TMEM204: variants seen among roughly 807,000 people sequenced by gnomAD.
TMEM204 encodes the protein transmembrane protein 204.
TMEM204 carries 15 observed loss-of-function variants against 19.4 expected under a neutral mutation model. The ratio of observed to expected loss-of-function variants is 0.77; its 90% CI spans 0.52 to 1.19. TMEM204 has a LOEUF of 1.19. TMEM204 is among the 50% of genes most tolerant of loss of function. The probability of loss-of-function intolerance (pLI) is 0.00; values close to 1 mark genes in which losing one functional copy is unlikely to be tolerated. For missense variants in TMEM204, 287 were observed against 321.2 expected (o/e 0.89, Z 0.81); for synonymous variants, 161 against 146.0 (o/e 1.10, Z -0.74).
At position 1,551,517 on chromosome 16, in the gene TMEM204, G is replaced by A. The variant is rs1372885019; in HGVS notation, c.437-3265G>A. On this transcript the variant is annotated intron_variant, in intron 2 of 2. Coordinates refer to ENST00000566264, the MANE Select transcript of TMEM204 (RefSeq NM_024600.6). The surrounding 1 kb of genome is among the most constrained non-coding windows in gnomAD (Gnocchi z 4.0). ...GATGGGAGCCACAAGGGTGCTGAGT[G>A]CTGGGGAGACAGGATGTGAGTTTCA... 6.6e-6 allele frequency among the ~76,000 whole-genome samples: 1 copy of A among 152,222 alleles called. No individual in the cohort carries two copies. Among genetic ancestry groups the A allele is most frequent in the Non-Finnish European group, 1.5e-5 (1 of 68,028 alleles).
chr16:1,553,868 G>C lies in TMEM204; in HGVS notation c.437-914G>C, dbSNP rs2032877920. On this transcript the variant is annotated intron_variant, in intron 2 of 2. Transcript: ENST00000566264. The surrounding 1 kb of genome is among the most constrained non-coding windows in gnomAD (Gnocchi z 4.4). ...CAGTGTCCTGTTATCCTAGTTGGTA[G>C]ACTCTAGTCACGAAACCCTGATTTT... 2 of 1,245,446 alleles carry C rather than the reference G, an allele frequency of 1.6e-6. No homozygotes were observed. Among genetic ancestry groups the C allele is most frequent in the Admixed American group, 2.6e-5 (1 of 38,768 alleles). The allele number at this position is 1,245,446 out of a possible 1,614,324, so 77.1% of individuals were successfully genotyped here.
intron 2 of TMEM204, among the ~76,000 whole-genome samples, chr16:1,542,684 G>A (rs371435304): frequency 1.1e-4 from 17 of 152,386 alleles, no homozygotes; most frequent in African/African-American, 2.6e-4. Context: ...TGCCTGAGCC[G>A]ACAGTGAGGT....
chr16:1,555,095 C>T lies in TMEM204; in HGVS notation c.*69C>T. ...GAACAGCCTAGAAACCAAGGGACTC[C>T]ACCACCAAGTCACTTCCCCTGCTCG... On this transcript the variant is annotated 3_prime_UTR_variant, in exon 3 of 3. Transcript: ENST00000566264. 6.5e-7 allele frequency: 1 copy of T among 1,533,436 alleles called. No individual in the cohort carries two copies. Among genetic ancestry groups the T allele is most frequent in the South Asian group, 1.2e-5 (1 of 80,822 alleles). The allele number at this position is 1,533,436 out of a possible 1,614,324, so 95.0% of individuals were successfully genotyped here.
chr16:1,554,325 G>C (rs777013575), intron 2 of TMEM204, among the ~76,000 whole-genome samples: 1 of 152,218 alleles, frequency 6.6e-6, no homozygotes, highest in Admixed American at 6.5e-5. Flanking sequence ...TCTTTTCTTT[G>C]AATGAATTAA....
Position 1,553,041 on chromosome 16 carries a change from A to C in TMEM204, c.437-1741A>C. 1.0e-6 allele frequency: 1 copy of C among 985,440 alleles called. No homozygotes were observed. The highest frequency in any genetic ancestry group is 1.2e-6 in the Non-Finnish European group (1 of 829,928). The allele number at this position is 985,440 out of a possible 1,614,324, so 61.0% of individuals were successfully genotyped here. A position where few individuals can be genotyped will look rare whatever the true frequency, so the allele number is the denominator to read the frequency against. On this transcript the variant is annotated intron_variant, in intron 2 of 2. Transcript: ENST00000566264. This position sits in a 1 kb window ranked among gnomAD's most constrained non-coding sequence, Gnocchi z 4.4. ...AAGTATTATAAAGAATGAACACAGA[A>C]ACCAGTCACTGTCATTGTTCAGGAC...
At chr16:1,530,043 G>C (rs547445831), upstream of TMEM204, among the ~76,000 whole-genome samples, 3 of 152,036 alleles carry the variant, frequency 2.0e-5, no homozygotes, top group Admixed American at 2.0e-4. Flanking sequence ...GCCTCAGTGC[G>C]TGAGGCGTGA....
In TMEM204 at chr16:1,551,345, C is replaced by T. The variant is rs2032620375; in HGVS notation, c.437-3437C>T. On this transcript the variant is annotated intron_variant, in intron 2 of 2. Coordinates refer to ENST00000566264, the MANE Select transcript of TMEM204 (RefSeq NM_024600.6). The surrounding 1 kb of genome is among the most constrained non-coding windows in gnomAD (Gnocchi z 4.0). ...GAAGGATCAGCAGCAGGAGGGGCCC[C>T]TCCTCCCCAGGGCCAGTCAAGCCGG... Among the ~76,000 whole-genome samples the T allele has an allele frequency of 6.6e-6, 1 of 152,062 alleles. No homozygotes were observed. The highest frequency in any genetic ancestry group is 1.5e-5 in the Non-Finnish European group (1 of 68,010).
In TMEM204 at chr16:1,553,866, T is replaced by C; in HGVS notation, c.437-916T>C. 2 of 1,244,050 alleles carry C rather than the reference T, an allele frequency of 1.6e-6. No individual in the cohort carries two copies. Among genetic ancestry groups the C allele is most frequent in the Non-Finnish European group, 2.1e-6 (2 of 966,120 alleles). 77.1% of individuals were successfully genotyped at this position (1,244,050 alleles called of 1,614,324 possible). A position where few individuals can be genotyped will look rare whatever the true frequency, so the allele number is the denominator to read the frequency against. ...CACAGTGTCCTGTTATCCTAGTTGG[T>C]AGACTCTAGTCACGAAACCCTGATT... On this transcript the variant is annotated intron_variant, in intron 2 of 2. Transcript: ENST00000566264. The surrounding 1 kb of genome is among the most constrained non-coding windows in gnomAD (Gnocchi z 4.4).
chr16:1,553,411 G>C lies in TMEM204; in HGVS notation c.437-1371G>C, dbSNP rs921975344. ...ATTTGGTTTCCTGGGGAATGCAGGG[G>C]AGGCGGTTGGGAGTGGAGAGACCGG... On this transcript the variant is annotated intron_variant, in intron 2 of 2. Coordinates refer to ENST00000566264, the MANE Select transcript of TMEM204 (RefSeq NM_024600.6). The surrounding 1 kb of genome is among the most constrained non-coding windows in gnomAD (Gnocchi z 4.4). 4.1e-6 allele frequency: 4 copies of C among 985,416 alleles called. No homozygotes were observed. Among genetic ancestry groups the C allele is most frequent in the Non-Finnish European group, 4.8e-6 (4 of 829,938 alleles). 61.0% of individuals were successfully genotyped at this position (985,416 alleles called of 1,614,324 possible). A position where few individuals can be genotyped will look rare whatever the true frequency, so the allele number is the denominator to read the frequency against.
intron 2 of TMEM204, among the ~76,000 whole-genome samples, chr16:1,547,138 C>T (rs2032243410): frequency 6.6e-6 from 1 of 152,230 alleles, no homozygotes; most frequent in African/African-American, 2.4e-5. Context: ...TTCCCACTCC[C>T]CATTACCTTG....
intron 1 of TMEM204, among the ~76,000 whole-genome samples, chr16:1,539,105 G>A (rs923389199): frequency 4.0e-5 from 6 of 149,436 alleles, no homozygotes; most frequent in African/African-American, 1.5e-4. Context: ...CCCCACCTCA[G>A]GCCTCAGCAA....
intron 2 of TMEM204, among the ~76,000 whole-genome samples, chr16:1,546,916 AG>A (rs2032222097): frequency 6.6e-6 from 1 of 152,204 alleles, no homozygotes; most frequent in Admixed American, 6.5e-5. Context: ...TAGCATGAGG[AG>A]GTCGTGGCCA....
rs934068761 is a variant in TMEM204, at chr16:1,551,302, A to G, written c.437-3480A>G. ...ACGGCTGGCAGGGGTGGGCAGGTGCAACTCTAAGCCGAGGCCCGAAGGATC... is the reference window on the plus strand; with the variant it reads ...ACGGCTGGCAGGGGTGGGCAGGTGCGACTCTAAGCCGAGGCCCGAAGGATC... On this transcript the variant is annotated intron_variant, in intron 2 of 2. Transcript: ENST00000566264. The surrounding 1 kb of genome is among the most constrained non-coding windows in gnomAD (Gnocchi z 4.0). Among the ~76,000 whole-genome samples, 1 of 152,088 alleles carries G rather than the reference A, an allele frequency of 6.6e-6. No homozygotes were observed. The highest frequency in any genetic ancestry group is 6.5e-5 in the Admixed American group (1 of 15,280).
At chr16:1,541,299 C>A in intron 1 of TMEM204, 4 of 985,046 alleles carry the variant, frequency 4.1e-6, no homozygotes, top group Non-Finnish European at 4.8e-6. Flanking sequence ...AGGTGGGGGG[C>A]ACTGGTTCAG....
At chr16:1,535,757 G>A (rs1370257024) in intron 1 of TMEM204, among the ~76,000 whole-genome samples, 5 of 152,208 alleles carry the variant, frequency 3.3e-5, no homozygotes, top group African/African-American at 4.8e-5. Context: ...AAAGGCCCTC[G>A]GCTGCACCGC....
Position 1,553,127 on chromosome 16 carries a change from G to T in TMEM204, c.437-1655G>T, listed in dbSNP as rs532039270. 2.4e-4 allele frequency: 236 copies of T among 985,296 alleles called. No homozygotes were observed. Among genetic ancestry groups the T allele is most frequent in the Non-Finnish European group, 6.1e-5 (51 of 829,946 alleles). 61.0% of individuals were successfully genotyped at this position (985,296 alleles called of 1,614,324 possible). Reference sequence around the variant, plus strand: ...CTGGAGGGTACAGTGATGATGAAAAGATAATGCTTGGGTTTTTAGGAAAAA... The same window carrying T: ...CTGGAGGGTACAGTGATGATGAAAATATAATGCTTGGGTTTTTAGGAAAAA... On this transcript the variant is annotated intron_variant, in intron 2 of 2. Coordinates refer to ENST00000566264, the MANE Select transcript of TMEM204 (RefSeq NM_024600.6). The surrounding 1 kb of genome is among the most constrained non-coding windows in gnomAD (Gnocchi z 4.4).
At chr16:1,537,809 C>T (rs766523066) in intron 1 of TMEM204, among the ~76,000 whole-genome samples, 10 of 152,190 alleles carry the variant, frequency 6.6e-5, no homozygotes, top group African/African-American at 1.2e-4. Context: ...CAGAGCCTGG[C>T]GCTAGCTGAG....
Position 1,554,978 on chromosome 16 carries a change from G to C in TMEM204, c.633G>C (p.Ala211=). 2 of 1,613,766 alleles carry C rather than the reference G, an allele frequency of 1.2e-6. No homozygotes were observed. The highest frequency in any genetic ancestry group is 1.1e-5 in the South Asian group (1 of 91,076). The change falls in exon 3 of 3, where the codon GCG becomes GCC. Residue 211 remains alanine, a synonymous_variant. Transcript: ENST00000566264. ...TTGTCATCAGCCGCTCCCTGACAGC[G>C]CGCTTTCGCCGTGGGCTGGACAATG... ...RVIVISRSLT[A]RFRRGLDNDY... is the part of the protein sequence containing the mutation.
At position 1,534,272 on chromosome 16, in the gene TMEM204, AGC is replaced by A; in HGVS notation, c.-2_-1del. The A allele has an allele frequency of 6.2e-7, 1 of 1,610,288 alleles. No homozygotes were observed. The highest frequency in any genetic ancestry group is 1.1e-5 in the South Asian group (1 of 90,954). Reference sequence around the variant, plus strand: ...CCGGATAAGCGGCGGCACCGGCGTCAGCGATGACCGTGCAGAGACTCGTGGCC... The same window carrying A: ...CCGGATAAGCGGCGGCACCGGCGTCAGATGACCGTGCAGAGACTCGTGGCC... On this transcript the variant is annotated 5_prime_UTR_variant, in exon 1 of 3. Transcript: ENST00000566264.
Sources: allele counts gnomAD v4.1 joint callset (sites outside exome capture counted in the v4.1 genomes callset), GRCh38; gene constraint gnomAD v4.1.1; non-coding constraint Gnocchi (gnomAD v3.1); transcripts MANE v1.5; gene names NCBI Gene and HGNC (gene_info 2026-07-23, HGNC 2026-07-21).